TRIM7: variants seen among roughly 807,000 people sequenced by gnomAD.
The protein encoded by TRIM7 is tripartite motif containing 7.
TRIM7 carries 32 observed loss-of-function variants against 37.9 expected under a neutral mutation model. That is an observed-to-expected ratio of 0.84 (90% CI 0.64 to 1.13). The LOEUF is 1.13. Ranked by LOEUF, TRIM7 falls within the 50% of genes most tolerant of loss-of-function variation. The probability of loss-of-function intolerance (pLI) is 0.00; values close to 1 mark genes in which losing one functional copy is unlikely to be tolerated. For missense variants in TRIM7, 732 were observed against 714.0 expected (o/e 1.03, Z -0.29); for synonymous variants, 351 against 321.3 (o/e 1.09, Z -0.99).
In TRIM7 at chr5:181,194,473, AGG is replaced by A. The variant is rs1756978132; in HGVS notation, c.*691_*692del. The A allele has an allele frequency of 1.9e-5, 2 of 106,724 alleles. No individual in the cohort carries two copies. Among genetic ancestry groups the A allele is most frequent in the African/African-American group, 2.0e-4 (2 of 10,192 alleles). The allele number at this position is 106,724 out of a possible 1,614,324, so 6.6% of individuals were successfully genotyped here. A position where few individuals can be genotyped will look rare whatever the true frequency, so the allele number is the denominator to read the frequency against. ...TTTGGCACTGGAAAGTGCGGGAGTC[AGG>A]GGTTTGTGAGAGCACGTGTTGGTTG... On this transcript the variant is annotated 3_prime_UTR_variant, in exon 7 of 7. Coordinates refer to ENST00000274773, the MANE Select transcript of TRIM7 (RefSeq NM_203293.3).
At chr5:181,199,641 A>T in intron 3 of TRIM7, 1 of 712,548 alleles carries the variant, frequency 1.4e-6, no homozygotes. Context: ...ATTCTGAAAT[A>T]CGATATATAT....
At chr5:181,198,372 C>A in intron 5 of TRIM7, 154 bp from the exon 6 acceptor site, 3 of 821,104 alleles carry the variant, frequency 3.7e-6, no homozygotes, top group Non-Finnish European at 6.0e-6. Flanking sequence ...GCATGGGGAG[C>A]GGGGGGCAGG....
intron 3 of TRIM7, chr5:181,199,570 A>G (rs1028720592): frequency 1.9e-6 from 1 of 527,084 alleles, no homozygotes; most frequent in African/African-American, 1.9e-5. Context: ...AGAAAACATC[A>G]AAGTGCATAC....
intron 6 of TRIM7, 55 bp from the exon 7 acceptor site, chr5:181,195,732 C>G: frequency 6.7e-7 from 1 of 1,501,078 alleles, no homozygotes; most frequent in Non-Finnish European, 8.9e-7. Context: ...CTGGCACAGT[C>G]TTTGCAGGGC....
Position 181,195,302 on chromosome 5 carries a change from A to T in TRIM7, c.1400T>A (p.Leu467Gln). The T allele has an allele frequency of 6.2e-7, 1 of 1,602,068 alleles. No homozygotes were observed. Among genetic ancestry groups the T allele is most frequent in the African/African-American group, 1.3e-5 (1 of 74,800 alleles). Residue 467 changes from leucine to glutamine, a missense_variant, in exon 7 of 7, where the codon CTG becomes CAG. Leu to Gln is a moderately radical substitution (Grantham distance 113, BLOSUM62 -2). Coordinates refer to ENST00000274773, the MANE Select transcript of TRIM7 (RefSeq NM_203293.3). ...HLSRVRVALD[L>Q]EVGAVSFYAV... ...GTAGAAGGACACGGCTCCCACCTCC[A>T]GGTCCAGGGCCACCCGCACGCGCGA...
At chr5:181,195,884 C>T (rs1757090067) in intron 6 of TRIM7, 2 of 513,208 alleles carry the variant, frequency 3.9e-6, no homozygotes, top group Non-Finnish European at 6.5e-6. Context: ...CAAGTACTTA[C>T]TGAAATCAAA....
At chr5:181,198,070 G>C in intron 6 of TRIM7, 113 bp downstream of exon 6, 1 of 1,117,722 alleles carries the variant, frequency 8.9e-7, no homozygotes, top group Non-Finnish European at 1.3e-6. Flanking sequence ...GGTTGCTGAG[G>C]TGGGTGGGCT....
chr5:181,199,021 G>A (rs1757314455), intron 4 of TRIM7, 74 bp downstream of exon 4: 2 of 1,584,662 alleles, frequency 1.3e-6, no homozygotes, highest in African/African-American at 1.3e-5. Context: ...TCAGGGGACA[G>A]GGAATAAAGA....
chr5:181,204,188 G>A (rs1369233361), intron 1 of TRIM7: 12 of 1,013,766 alleles, frequency 1.2e-5, no homozygotes, highest in South Asian at 4.6e-5. Flanking sequence ...TTTGAGCAGA[G>A]CCCGCTTCGG....
At position 181,199,117 on chromosome 5, in the gene TRIM7, C is replaced by A; in HGVS notation, c.850G>T (p.Glu284Ter). 6.2e-7 allele frequency: 1 copy of A among 1,614,182 alleles called. No individual in the cohort carries two copies. Among genetic ancestry groups the A allele is most frequent in the Non-Finnish European group, 8.5e-7 (1 of 1,180,028 alleles). Reference sequence around the variant, plus strand: ...CACCTGCTCAGCGTGCTTTTGAATTCCTGGAAGGAAAGATAGAGGAAACCA... The same window carrying A: ...CACCTGCTCAGCGTGCTTTTGAATTACTGGAAGGAAAGATAGAGGAAACCA... ...AQKPDLDFLQ[E>*]FKSTLSRCSN... Residue 284 changes from glutamate (E) to a stop codon, truncating the protein, a stop_gained and splice_region_variant, in exon 4 of 7, where the codon GAA becomes TAA. Transcript: ENST00000274773. LOFTEE classifies it high-confidence loss of function.
chr5:181,204,525 C>T (rs950364356), intron 1 of TRIM7, 64 bp downstream of exon 1: 5 of 1,305,552 alleles, frequency 3.8e-6, no homozygotes, highest in African/African-American at 3.3e-5. Flanking sequence ...ACCCCGTGCG[C>T]GGGAGCGCGG....
chr5:181,201,444 G>A (rs1370511056), intron 2 of TRIM7, among the ~76,000 whole-genome samples: 2 of 152,158 alleles, frequency 1.3e-5, no homozygotes, highest in Non-Finnish European at 2.9e-5. Context: ...AAATCCAGAA[G>A]TATTTTATTG....
chr5:181,201,654 C>G (rs1207771531), intron 2 of TRIM7, among the ~76,000 whole-genome samples: 1 of 152,198 alleles, frequency 6.6e-6, no homozygotes, highest in African/African-American at 2.4e-5. Context: ...GTAGTCCCAG[C>G]TACTCAGGAG....
chr5:181,202,030 C>G (rs1178094617), intron 2 of TRIM7, among the ~76,000 whole-genome samples: 5 of 152,238 alleles, frequency 3.3e-5, no homozygotes, highest in East Asian at 3.9e-4. Context: ...GCAGGCATAA[C>G]AGATATAGTT....
Position 181,195,338 on chromosome 5 carries a change from C to A in TRIM7, c.1364G>T (p.Cys455Phe), listed in dbSNP as rs776487052. ...VTSPERSPLS[C>F]GHLSRVRVAL... ...CACCCGCACGCGCGACAGGTGCCCG[C>A]AGCTGAGGGGCGACCGCTCGGGGCT... is the stretch of plus-strand genomic sequence containing the variant. Residue 455 changes from cysteine to phenylalanine, a missense_variant, in exon 7 of 7, where the codon TGC (cysteine) becomes TTC (phenylalanine). By Grantham distance (205) the Cys-to-Phe change is radical. Transcript: ENST00000274773. 7.6e-6 allele frequency: 12 copies of A among 1,587,550 alleles called. No individual in the cohort carries two copies. The Admixed American group carries it at 9.0e-5, about 12-fold the overall frequency.
rs1209810353 is a variant in TRIM7 at position 181,198,344 on chromosome 5, GTGC to G, written c.989-129_989-127del. On this transcript the variant is annotated intron_variant, in intron 5 of 6. Transcript: ENST00000274773. ...GAGACTCCTAAGGCCAAGAGTGAAC[GTGC>G]AGGCACAGGGCCAAGCATGGGGAGC... 1.1e-5 allele frequency: 11 copies of G among 1,027,838 alleles called. No individual in the cohort carries two copies. The Admixed American group carries it at 2.2e-4, about 20-fold the overall frequency. The allele number at this position is 1,027,838 out of a possible 1,614,324, so 63.7% of individuals were successfully genotyped here.
chr5:181,195,749 C>T (rs1757075329), intron 6 of TRIM7, 72 bp from the exon 7 acceptor site: 2 of 1,489,152 alleles, frequency 1.3e-6, no homozygotes, highest in South Asian at 2.8e-5. Context: ...GGGCCGCGCC[C>T]GACCTTGCTT....
At chr5:181,203,394 G>T (rs1262229913) in intron 2 of TRIM7, 151 bp downstream of exon 2, 14 of 1,467,344 alleles carry the variant, frequency 9.5e-6, no homozygotes, top group East Asian at 7.3e-5. Flanking sequence ...CAATTATGTG[G>T]ACACCCTATA....
At chr5:181,195,726 C>A (rs758104191) in intron 6 of TRIM7, 49 bp from the exon 7 acceptor site, 4 of 1,506,674 alleles carry the variant, frequency 2.7e-6, no homozygotes, top group East Asian at 2.3e-5. Context: ...AGGCCCCTGG[C>A]ACAGTCTTTG....
Sources: gnomAD v4.1 joint callset for allele counts (sites outside exome capture counted in the v4.1 genomes callset) on GRCh38, gnomAD v4.1.1 for gene constraint, MANE v1.5 for transcripts, NCBI Gene and HGNC (gene_info 2026-07-23, HGNC 2026-07-21) for gene names.